Variants in UROS observed in about 807,000 individuals in gnomAD.
UROS encodes uroporphyrinogen III synthase.
Under a neutral mutation model 33.0 loss-of-function variants are expected in UROS, and 18 were observed. The ratio of observed to expected loss-of-function variants is 0.55; its 90% CI spans 0.38 to 0.81. UROS has a LOEUF of 0.81. UROS is among the 30% of genes least tolerant of loss of function. UROS has a pLI of 0.00. For synonymous variants in UROS, 114 were observed against 121.1 expected, an observed-to-expected ratio of 0.94 and a Z score of 0.38; for missense variants, 293 against 314.9, an observed-to-expected ratio of 0.93 and a Z score of 0.53.
intron 6 of UROS, among the ~76,000 whole-genome samples, chr10:125,806,007 A>AG (rs1034918874): frequency 2.0e-5 from 3 of 152,204 alleles, no homozygotes; most frequent in African/African-American, 7.2e-5. Flanking sequence ...CGACTCTGTC[A>AG]GGGGCCTAAT....
At chr10:125,812,550 T>C (rs911184868) in intron 4 of UROS, among the ~76,000 whole-genome samples, 2 of 152,230 alleles carry the variant, frequency 1.3e-5, no homozygotes, top group Non-Finnish European at 2.9e-5. Context: ...ACTAGAAGAA[T>C]TTTAATGGGA....
chr10:125,796,109 G>A lies in UROS; in HGVS notation c.555C>T (p.Ser185=), dbSNP rs759192619. The A allele has an allele frequency of 1.4e-5, 22 of 1,613,994 alleles. No individual in the cohort carries two copies. The highest frequency in any genetic ancestry group is 1.6e-4 in the Middle Eastern group (1 of 6,078). The stretch of plus-strand genomic sequence containing the variant: ...GCCCCCAAACGCCACGTACCTGCTG[G>A]GAATAGTAGCTGTTCAGGTTCCCTT... ...GIQGNLNSYY[S]QQGVPASITF... The change falls in exon 8 of 10, where the codon TCC becomes TCT. Residue 185 remains serine, a synonymous_variant. Transcript: ENST00000368797.
chr10:125,813,866 C>T (rs914287611), intron 4 of UROS, among the ~76,000 whole-genome samples: 3 of 152,214 alleles, frequency 2.0e-5, no homozygotes, highest in African/African-American at 7.2e-5. Flanking sequence ...GATGTTTAGG[C>T]TACAGCGAAG....
intron 5 of UROS, among the ~76,000 whole-genome samples, chr10:125,811,402 T>C (rs1210597896): frequency 2.6e-5 from 4 of 152,210 alleles, no homozygotes; most frequent in East Asian, 3.8e-4. Flanking sequence ...GGAGGGAAGA[T>C]GGTTTCCTTG....
intron 6 of UROS, among the ~76,000 whole-genome samples, chr10:125,804,515 G>A (rs1852144114): frequency 6.6e-6 from 1 of 152,178 alleles, no homozygotes; most frequent in South Asian, 2.1e-4. Flanking sequence ...GGAGTCGTGA[G>A]AACTCCTGAC....
chr10:125,796,282 A>C, intron 7 of UROS, 94 bp from the exon 8 acceptor site: 1 of 1,214,170 alleles, frequency 8.2e-7, no homozygotes, highest in Non-Finnish European at 1.2e-6. Context: ...ACCTCCCAAT[A>C]CAGCACCACC....
intron 1 of UROS, among the ~76,000 whole-genome samples, chr10:125,822,505 T>C (rs962138012): frequency 2.6e-5 from 4 of 152,078 alleles, no homozygotes; most frequent in Admixed American, 2.6e-4. Flanking sequence ...GTATTTTTAG[T>C]AGAGATGGGA....
intron 1 of UROS, among the ~76,000 whole-genome samples, chr10:125,822,005 C>T (rs907708785): frequency 6.6e-6 from 1 of 152,182 alleles, no homozygotes; most frequent in African/African-American, 2.4e-5. Flanking sequence ...GATGAAGGAT[C>T]ACTGATTTAT....
intron 5 of UROS, among the ~76,000 whole-genome samples, chr10:125,808,869 C>T (rs1012875706): frequency 6.6e-6 from 1 of 152,258 alleles, no homozygotes; most frequent in African/African-American, 2.4e-5. Context: ...TCTAAGGTCT[C>T]AGTCCCTGCA....
At chr10:125,822,789 G>C (rs1443025683) in intron 1 of UROS, among the ~76,000 whole-genome samples, 1 of 152,172 alleles carries the variant, frequency 6.6e-6, no homozygotes, top group African/African-American at 2.4e-5. Context: ...TGCGGTGCCG[G>C]CTTTAAAAAA....
intron 6 of UROS, chr10:125,802,472 C>A (rs1353913266): frequency 2.0e-6 from 2 of 987,436 alleles, no homozygotes. Flanking sequence ...CAGGCCTTTT[C>A]CTTTCAGTTG....
At chr10:125,798,602 G>A (rs11244656) in intron 6 of UROS, among the ~76,000 whole-genome samples, 63,964 of 152,104 alleles carry the variant, frequency 0.42, 13,709 homozygotes, top group Non-Finnish European at 0.46. Flanking sequence ...GCCGGTAACC[G>A]GCAGCCAGGA....
At chr10:125,803,407 T>C (rs931368069) in intron 6 of UROS, among the ~76,000 whole-genome samples, 1 of 152,198 alleles carries the variant, frequency 6.6e-6, no homozygotes, top group Non-Finnish European at 1.5e-5. Context: ...CACACTGAGC[T>C]GTGGGAAGAC....
intron 9 of UROS, among the ~76,000 whole-genome samples, chr10:125,790,961 G>A (rs1258838215): frequency 2.7e-5 from 4 of 147,892 alleles, no homozygotes; most frequent in Admixed American, 6.8e-5. Flanking sequence ...GCATGGTGGC[G>A]TGCACCTGTA....
chr10:125,804,955 C>A (rs1432674350), intron 6 of UROS, among the ~76,000 whole-genome samples: 2 of 152,230 alleles, frequency 1.3e-5, no homozygotes, highest in African/African-American at 2.4e-5. Context: ...AAGGGCCTGG[C>A]ACACAGGTGC....
intron 5 of UROS, 66 bp downstream of exon 5, chr10:125,812,148 A>T: frequency 6.9e-7 from 1 of 1,454,824 alleles, no homozygotes; most frequent in African/African-American, 1.4e-5. Context: ...ACTGAGTTAA[A>T]CTGTTTTTTA....
intron 6 of UROS, among the ~76,000 whole-genome samples, chr10:125,806,770 T>G (rs1852373046): frequency 2.6e-5 from 4 of 152,214 alleles, no homozygotes; most frequent in Admixed American, 2.6e-4. Context: ...GCGGTTGTAC[T>G]GGACATTCAG....
chr10:125,822,614 C>T (rs1226385433), intron 1 of UROS, among the ~76,000 whole-genome samples: 1 of 152,030 alleles, frequency 6.6e-6, no homozygotes, highest in Non-Finnish European at 1.5e-5. Flanking sequence ...TCCGCCACCA[C>T]GCCCGGCTAA....
At chr10:125,821,070 A>G (rs1853832652) in intron 1 of UROS, among the ~76,000 whole-genome samples, 3 of 152,232 alleles carry the variant, frequency 2.0e-5, no homozygotes, top group African/African-American at 7.2e-5. Flanking sequence ...GCAAACTACA[A>G]AAAAGTATAG....
Sources: allele counts gnomAD v4.1 joint callset (sites outside exome capture counted in the v4.1 genomes callset), GRCh38; gene constraint gnomAD v4.1.1; transcripts MANE v1.5; gene names NCBI Gene and HGNC (gene_info 2026-07-23, HGNC 2026-07-21).